Variants in HDAC4 observed in about 807,000 individuals in gnomAD.
HDAC4 encodes the protein histone deacetylase A.
In HDAC4, 16 loss-of-function variants were observed where a neutral mutation model predicts 135.1. That is an observed-to-expected ratio of 0.12 (90% CI 0.08 to 0.18). The LOEUF (loss-of-function observed/expected upper bound fraction) is 0.18, where lower values mean the gene tolerates loss of function less well. Among genes scored for constraint, HDAC4 ranks in the 10% least tolerant of loss-of-function variants. The pLI is 1.00. For missense variants in HDAC4, 1,143 were observed against 1,511.8 expected (o/e 0.76, Z 4.05); for synonymous variants, 685 against 653.4 (o/e 1.05, Z -0.74).
chr2:239,060,985 G>T (rs1334066748), intron 24 of HDAC4, among the ~76,000 whole-genome samples: 2 of 152,254 alleles, frequency 1.3e-5, no homozygotes, highest in African/African-American at 4.8e-5. Flanking sequence ...CACGAGGCTG[G>T]GCTCTGTCTT....
chr2:239,089,475 G>A (rs2036293422), intron 18 of HDAC4, among the ~76,000 whole-genome samples: 1 of 152,150 alleles, frequency 6.6e-6, no homozygotes, highest in Non-Finnish European at 1.5e-5. Flanking sequence ...TTATAGGCAT[G>A]CGCCACCATG....
At chr2:239,157,470 A>G (rs2152953043) in intron 6 of HDAC4, among the ~76,000 whole-genome samples, 1 of 152,336 alleles carries the variant, frequency 6.6e-6, no homozygotes, top group East Asian at 1.9e-4. Context: ...GCAGCAAGAC[A>G]GGAATCGTCT....
chr2:239,084,896 G>A (rs2035771410), intron 19 of HDAC4, among the ~76,000 whole-genome samples: 2 of 133,066 alleles, frequency 1.5e-5, no homozygotes, highest in Admixed American at 8.1e-5. Flanking sequence ...CCCCCACGTA[G>A]ACACACATGC....
intron 1 of HDAC4, among the ~76,000 whole-genome samples, chr2:239,368,748 G>A (rs1694396766): frequency 6.6e-6 from 1 of 152,168 alleles, no homozygotes; most frequent in Non-Finnish European, 1.5e-5. Flanking sequence ...CTGCAGGTGA[G>A]GTGCTTATCA....
Position 239,049,696 on chromosome 2 carries a change from A to AGAAGT in HDAC4, c.*3396_*3400dup, listed in dbSNP as rs1427654324. On this transcript the variant is annotated 3_prime_UTR_variant, in exon 27 of 27. Transcript: ENST00000543185. ...TTCCCCTTGCAAACAGATTTTCAAA[A>AGAAGT]GAAGTAAAGAAAAACTGAAACACCT... The AGAAGT allele has an allele frequency of 6.6e-6, 1 of 152,388 alleles. No homozygotes were observed. The highest frequency in any genetic ancestry group is 2.4e-5 in the African/African-American group (1 of 41,462). 9.4% of individuals were successfully genotyped at this position (152,388 alleles called of 1,614,324 possible).
chr2:239,054,169 G>A (rs372911814), intron 25 of HDAC4, among the ~76,000 whole-genome samples: 2 of 152,130 alleles, frequency 1.3e-5, no homozygotes, highest in African/African-American at 2.4e-5. Flanking sequence ...GACTACCCCT[G>A]CTTCTGTGGA....
At chr2:239,251,700 C>T (rs551318920) in intron 2 of HDAC4, among the ~76,000 whole-genome samples, 5 of 152,246 alleles carry the variant, frequency 3.3e-5, no homozygotes, top group East Asian at 1.9e-4. Flanking sequence ...TTCTAGAACA[C>T]GCTCTCCCAC....
At chr2:239,118,004 C>T (rs573745852) in intron 12 of HDAC4, among the ~76,000 whole-genome samples, 58 of 152,278 alleles carry the variant, frequency 3.8e-4, no homozygotes, top group African/African-American at 1.3e-3. Flanking sequence ...GCCTGAACTA[C>T]GGGGCACGGG....
chr2:239,052,829 T>C lies in HDAC4; in HGVS notation c.*268A>G. On this transcript the variant is annotated 3_prime_UTR_variant, in exon 27 of 27. Coordinates refer to ENST00000543185, the MANE Select transcript of HDAC4 (RefSeq NM_001378414.1). Reference sequence around the variant, plus strand: ...GTCCCTTGCGGGACCCGCCAGAGTGTGCTTGGCTTCCGCGTGTCCGTGTGT... The same window carrying C: ...GTCCCTTGCGGGACCCGCCAGAGTGCGCTTGGCTTCCGCGTGTCCGTGTGT... The C allele has an allele frequency of 3.8e-6, 2 of 524,508 alleles. No individual in the cohort carries two copies. Among genetic ancestry groups the C allele is most frequent in the Non-Finnish European group, 6.9e-6 (2 of 290,946 alleles). The allele number at this position is 524,508 out of a possible 1,614,324, so 32.5% of individuals were successfully genotyped here. A position where few individuals can be genotyped will look rare whatever the true frequency, so the allele number is the denominator to read the frequency against.
At chr2:239,055,024 A>AT (rs890773236) in intron 24 of HDAC4, among the ~76,000 whole-genome samples, 191 bp from the exon 25 acceptor site, 40 of 151,718 alleles carry the variant, frequency 2.6e-4, no homozygotes, top group South Asian at 1.0e-3. Context: ...GTAAAAGTGG[A>AT]TTTTTTTTTA....
At chr2:239,090,194 C>T in intron 17 of HDAC4, 78 bp from the exon 18 acceptor site, 1 of 1,042,264 alleles carries the variant, frequency 9.6e-7, no homozygotes, top group Non-Finnish European at 1.5e-6. Flanking sequence ...CAGAGCAGCT[C>T]AGGTTCCGTG....
chr2:239,185,928 GGT>G (rs1236128140), intron 4 of HDAC4, among the ~76,000 whole-genome samples: 5 of 152,170 alleles, frequency 3.3e-5, no homozygotes, highest in African/African-American at 1.2e-4. Context: ...CAGCCACTCA[GGT>G]GGCTGAGGCA....
intron 7 of HDAC4, among the ~76,000 whole-genome samples, chr2:239,156,341 C>T (rs58825980): frequency 2.8e-3 from 424 of 152,308 alleles, no homozygotes; most frequent in African/African-American, 9.5e-3. Context: ...GTGACCACTG[C>T]GGGGACGCCC....
chr2:239,342,863 AG>A (rs1048334960), intron 2 of HDAC4, among the ~76,000 whole-genome samples: 70 of 27,816 alleles, frequency 2.5e-3, no homozygotes, highest in African/African-American at 6.8e-3. Flanking sequence ...GGAGGGAAAC[AG>A]CCGCCTACAC....
chr2:239,263,156 T>C (rs918052293), intron 2 of HDAC4, among the ~76,000 whole-genome samples: 21 of 152,172 alleles, frequency 1.4e-4, no homozygotes, highest in Non-Finnish European at 2.5e-4. Context: ...CCCTCCTTCA[T>C]GTCTGCTGTG....
intron 5 of HDAC4, among the ~76,000 whole-genome samples, chr2:239,168,471 TAAATA>T (rs2152983777): frequency 6.6e-6 from 1 of 152,304 alleles, no homozygotes. Context: ...TTGGTATCAA[TAAATA>T]AAAGTGCAGA....
intron 2 of HDAC4, among the ~76,000 whole-genome samples, chr2:239,256,859 T>C (rs1314284668): frequency 6.8e-6 from 1 of 147,742 alleles, no homozygotes; most frequent in Non-Finnish European, 1.5e-5. Flanking sequence ...AACATGCTAA[T>C]AATACTAATT....
chr2:239,316,816 G>T (rs1575684588), intron 2 of HDAC4, among the ~76,000 whole-genome samples: 1 of 152,194 alleles, frequency 6.6e-6, no homozygotes, highest in African/African-American at 2.4e-5. Flanking sequence ...GAAAGGACAG[G>T]GGACAGCAGG....
At chr2:239,391,561 C>G (rs1417071974) in intron 1 of HDAC4, among the ~76,000 whole-genome samples, 1 of 152,202 alleles carries the variant, frequency 6.6e-6, no homozygotes, top group Non-Finnish European at 1.5e-5. Context: ...AAAGCTGAGT[C>G]TCTGCGGGAG....
Sources: allele counts gnomAD v4.1 joint callset (sites outside exome capture counted in the v4.1 genomes callset), GRCh38; gene constraint gnomAD v4.1.1; transcripts MANE v1.5; gene names NCBI Gene and HGNC (gene_info 2026-07-23, HGNC 2026-07-21).